Variants in GPC5 observed in about 807,000 individuals in gnomAD.
GPC5 encodes glypican 5.
Under a neutral mutation model 53.9 loss-of-function variants are expected in GPC5, and 47 were observed. That is an observed-to-expected ratio of 0.87 (90% CI 0.69 to 1.11). GPC5 has a LOEUF of 1.11. Among genes scored for constraint, GPC5 ranks in the 50% most tolerant of loss-of-function variants. The pLI is 0.00. For missense variants in GPC5, 748 were observed against 713.1 expected, an observed-to-expected ratio of 1.05 and a Z score of -0.56; for synonymous variants, 286 against 263.3, an observed-to-expected ratio of 1.09 and a Z score of -0.84.
At chr13:92,367,446 C>A (rs535594900) in intron 7 of GPC5, among the ~76,000 whole-genome samples, 4 of 152,286 alleles carry the variant, frequency 2.6e-5, no homozygotes, top group African/African-American at 7.2e-5. Flanking sequence ...TTACCAATAT[C>A]TTCAACAACA....
chr13:92,063,615 AAAAT>A (rs975498804), intron 6 of GPC5, among the ~76,000 whole-genome samples: 1 of 152,264 alleles, frequency 6.6e-6, no homozygotes. Context: ...CAGCAGATTT[AAAAT>A]AAATAAATAA....
At chr13:92,334,053 C>A (rs976356856) in intron 7 of GPC5, among the ~76,000 whole-genome samples, 8 of 152,126 alleles carry the variant, frequency 5.3e-5, no homozygotes, top group Non-Finnish European at 1.2e-4. Context: ...ACTGACAAAA[C>A]CCCCTGGAAC....
chr13:92,435,633 G>A (rs1037767568), intron 7 of GPC5, among the ~76,000 whole-genome samples: 2 of 152,144 alleles, frequency 1.3e-5, no homozygotes, highest in African/African-American at 4.8e-5. Context: ...AACAACTATG[G>A]GGAGGGATAT....
chr13:92,030,795 G>A (rs1290784779), intron 6 of GPC5, among the ~76,000 whole-genome samples: 9 of 152,286 alleles, frequency 5.9e-5, no homozygotes, highest in South Asian at 2.1e-4. Context: ...AGAGCCTGGC[G>A]TCTCCTGTTT....
intron 6 of GPC5, among the ~76,000 whole-genome samples, chr13:91,945,863 G>C (rs1320871845): frequency 6.6e-6 from 1 of 152,192 alleles, no homozygotes; most frequent in Non-Finnish European, 1.5e-5. Flanking sequence ...GCGTTGCAAA[G>C]TGATTCATAC....
chr13:92,186,917 G>T (rs538034905), intron 7 of GPC5, among the ~76,000 whole-genome samples: 15 of 152,228 alleles, frequency 9.9e-5, no homozygotes, highest in African/African-American at 3.6e-4. Flanking sequence ...TTTGAGACTA[G>T]CCCGGCCAAC....
intron 2 of GPC5, among the ~76,000 whole-genome samples, chr13:91,553,025 A>C (rs1397026164): frequency 6.6e-6 from 1 of 152,150 alleles, no homozygotes; most frequent in Non-Finnish European, 1.5e-5. Flanking sequence ...TTTAAATATA[A>C]CATAAAATAA....
chr13:92,652,578 A>G (rs1885992398), intron 7 of GPC5, among the ~76,000 whole-genome samples: 2 of 152,140 alleles, frequency 1.3e-5, no homozygotes, highest in South Asian at 4.1e-4. Context: ...AGCTCTGGGC[A>G]GATTTGGACT....
At chr13:92,244,963 G>C (rs149346184) in intron 7 of GPC5, among the ~76,000 whole-genome samples, 3 of 151,652 alleles carry the variant, frequency 2.0e-5, no homozygotes, top group Admixed American at 1.3e-4. Context: ...GCTTGAACCC[G>C]GGAGGTGGAG....
At chr13:92,578,577 T>C (rs1883260469) in intron 7 of GPC5, among the ~76,000 whole-genome samples, 2 of 152,122 alleles carry the variant, frequency 1.3e-5, no homozygotes, top group African/African-American at 2.4e-5. Flanking sequence ...TGGAGCTCTG[T>C]TGTCCGAGGG....
At chr13:92,335,758 C>T (rs2043317950) in intron 7 of GPC5, among the ~76,000 whole-genome samples, 2 of 152,160 alleles carry the variant, frequency 1.3e-5, no homozygotes, top group South Asian at 4.1e-4. Context: ...CAAGAGTGAA[C>T]TTTCCTCCAG....
At chr13:92,674,751 AAATT>A (rs1438514366) in intron 7 of GPC5, among the ~76,000 whole-genome samples, 5 of 152,158 alleles carry the variant, frequency 3.3e-5, no homozygotes, top group African/African-American at 1.2e-4. Context: ...CAAAGGAAAT[AAATT>A]AGAACTTAGA....
rs143714709 is a variant in GPC5 at position 92,165,489 on chromosome 13, G to A, written c.1561+20500G>A. Among the ~76,000 whole-genome samples, 596 of 152,236 alleles carry A rather than the reference G, an allele frequency of 3.9e-3. 15 individuals carry two copies. Among genetic ancestry groups the A allele is most frequent in the Non-Finnish European group, 7.1e-4 (48 of 68,016 alleles). On this transcript the variant is annotated intron_variant, in intron 7 of 7. Coordinates refer to ENST00000377067, the MANE Select transcript of GPC5 (RefSeq NM_004466.6). ...CAGAAACTTACAATCATGGCAGAAGGCACTTCTTCACAGGGTGACAGGAGA... is the reference window on the plus strand; with the variant it reads ...CAGAAACTTACAATCATGGCAGAAGACACTTCTTCACAGGGTGACAGGAGA...
intron 7 of GPC5, among the ~76,000 whole-genome samples, chr13:92,218,118 G>T (rs2042424299): frequency 6.6e-6 from 1 of 151,660 alleles, no homozygotes. Context: ...AGTAGAGATG[G>T]CGTCTTGCTA....
rs1479252782 is a variant in GPC5 at position 91,399,165 on chromosome 13, G to T, written c.119G>T (p.Arg40Leu). ...CEEVRKLFQWRLLGAVRGLPD... is the reference protein window; with the variant it reads ...CEEVRKLFQWLLLGAVRGLPD... ...GAAGTTCGGAAACTTTTCCAGTGGC[G>T]GCTGCTGGGAGCTGTCAGGGGGCTG... The change falls in exon 1 of 8, where the codon CGG becomes CTG. Residue 40 changes from arginine (R) to leucine (L), a missense_variant. By Grantham distance (102) the Arg-to-Leu change is moderately radical (BLOSUM62 -2). Coordinates refer to ENST00000377067, the MANE Select transcript of GPC5 (RefSeq NM_004466.6). The T allele has an allele frequency of 1.2e-6, 2 of 1,612,978 alleles. No individual in the cohort carries two copies. Among genetic ancestry groups the T allele is most frequent in the South Asian group, 1.1e-5 (1 of 91,006 alleles).
At chr13:92,816,011 C>T (rs1484949018) in intron 7 of GPC5, among the ~76,000 whole-genome samples, 2 of 151,884 alleles carry the variant, frequency 1.3e-5, no homozygotes, top group South Asian at 2.1e-4. Flanking sequence ...GGGGAAAGAT[C>T]AGAGCTATAA....
At chr13:92,256,723 C>G (rs756833662) in intron 7 of GPC5, among the ~76,000 whole-genome samples, 1 of 151,438 alleles carries the variant, frequency 6.6e-6, no homozygotes, top group Non-Finnish European at 1.5e-5. Flanking sequence ...GTCAGTATTT[C>G]CTGAGGTGAA....
rs1247445423 is a variant in GPC5, at chr13:91,831,417, G to T, written c.1280+74997G>T. On this transcript the variant is annotated intron_variant, in intron 5 of 7. Transcript: ENST00000377067. Reference sequence around the variant, plus strand: ...CTGATTCAAATGTTAATCTCTTTTGGCAACACTCACACAGAAACACCCAGG... The same window carrying T: ...CTGATTCAAATGTTAATCTCTTTTGTCAACACTCACACAGAAACACCCAGG... Among the ~76,000 whole-genome samples the T allele has an allele frequency of 5.3e-5, 8 of 151,782 alleles. No individual in the cohort carries two copies. In the South Asian group the frequency reaches 1.0e-3, roughly 20 times the overall value.
At chr13:92,762,465 T>C (rs975325797) in intron 7 of GPC5, among the ~76,000 whole-genome samples, 1 of 152,172 alleles carries the variant, frequency 6.6e-6, no homozygotes, top group African/African-American at 2.4e-5. Context: ...ACAAAGATTT[T>C]CTTATATGTG....
Sources: allele counts gnomAD v4.1 joint callset (sites outside exome capture counted in the v4.1 genomes callset), GRCh38; gene constraint gnomAD v4.1.1; transcripts MANE v1.5; gene names NCBI Gene and HGNC (gene_info 2026-07-23, HGNC 2026-07-21).